ANK1: variants seen among roughly 807,000 people sequenced by gnomAD.
The protein encoded by ANK1 is ankyrin 1, also known as ankyrin-1.
ANK1 carries 51 observed loss-of-function variants against 210.4 expected under a neutral mutation model. The observed-to-expected ratio is 0.24, with a 90% CI of 0.19 to 0.31. ANK1 has a LOEUF of 0.31. Ranked by LOEUF, ANK1 falls within the 10% of genes least tolerant of loss-of-function variation. The pLI is 1.00. For missense variants in ANK1, 2,051 were observed against 2,504.4 expected, an observed-to-expected ratio of 0.82 and a Z score of 3.86; for synonymous variants, 967 against 1,025.9, an observed-to-expected ratio of 0.94 and a Z score of 1.10.
intron 1 of ANK1, chr8:41,829,003 C>G (rs1806057264): frequency 6.6e-6 from 1 of 152,306 alleles, no homozygotes; most frequent in Admixed American, 6.5e-5. Flanking sequence ...TTGATTCCAC[C>G]GCCGCAGTTG....
chr8:41,740,530 T>A (rs1834531315), intron 2 of ANK1, among the ~76,000 whole-genome samples: 1 of 151,944 alleles, frequency 6.6e-6, no homozygotes, highest in Non-Finnish European at 1.5e-5. Flanking sequence ...AGTCCCAAGG[T>A]GGCTGCTCCT....
chr8:41,872,389 C>T (rs1481561689), intron 1 of ANK1, among the ~76,000 whole-genome samples: 1 of 152,228 alleles, frequency 6.6e-6, no homozygotes, highest in East Asian at 1.9e-4. Flanking sequence ...CCCATTAAAT[C>T]CCCCAGTGCT....
intron 1 of ANK1, among the ~76,000 whole-genome samples, chr8:41,846,607 A>G (rs756057824): frequency 1.3e-5 from 2 of 152,242 alleles, no homozygotes; most frequent in Admixed American, 6.5e-5. Context: ...TGGCTTGGGC[A>G]ATAGCCAATC....
intron 1 of ANK1, among the ~76,000 whole-genome samples, chr8:41,842,949 C>CT (rs1563890019): frequency 6.6e-6 from 1 of 152,056 alleles, no homozygotes; most frequent in African/African-American, 2.4e-5. Context: ...CAGGTTCAAG[C>CT]GATTCTCCTG....
At chr8:41,809,412 C>G (rs887371242) in intron 1 of ANK1, among the ~76,000 whole-genome samples, 4 of 152,176 alleles carry the variant, frequency 2.6e-5, no homozygotes, top group Admixed American at 6.5e-5. Context: ...GTGTGTGATA[C>G]TCAAAACCAT....
intron 20 of ANK1, among the ~76,000 whole-genome samples, chr8:41,703,451 T>TATATATATATATATATA (rs1554555252): frequency 9.6e-4 from 36 of 37,374 alleles, no homozygotes; most frequent in South Asian, 2.5e-3. Context: ...TATATATATA[T>TATATATATATATATATA]TTTTTTTTTT....
intron 2 of ANK1, among the ~76,000 whole-genome samples, chr8:41,752,938 G>A (rs1217600161): frequency 6.6e-6 from 1 of 152,116 alleles, no homozygotes; most frequent in South Asian, 2.1e-4. Flanking sequence ...GAGAAAGACT[G>A]GAATCCTTCA....
chr8:41,701,947 C>T, intron 21 of ANK1, 105 bp downstream of exon 21: 1 of 1,242,414 alleles, frequency 8.0e-7, no homozygotes, highest in Non-Finnish European at 1.2e-6. Flanking sequence ...CTCCGACCCG[C>T]GTCCCGGAGC....
chr8:41,712,298 A>G (rs1366467412), intron 16 of ANK1, among the ~76,000 whole-genome samples: 1 of 152,226 alleles, frequency 6.6e-6, no homozygotes, highest in African/African-American at 2.4e-5. Flanking sequence ...ATGTATCCTC[A>G]GGAATCCCAG....
chr8:41,669,655 A>C (rs1393009716), intron 38 of ANK1, among the ~76,000 whole-genome samples: 1 of 151,762 alleles, frequency 6.6e-6, no homozygotes, highest in Non-Finnish European at 1.5e-5. Context: ...GCCCTCCTTG[A>C]CCCCTCTCTT....
At chr8:41,799,246 T>C (rs13282291), upstream of ANK1, among the ~76,000 whole-genome samples, 10 of 152,148 alleles carry the variant, frequency 6.6e-5, no homozygotes, top group African/African-American at 2.4e-4. Context: ...ACATTAGACA[T>C]GATTTCAGAC....
intron 40 of ANK1, 116 bp downstream of exon 40, chr8:41,663,543 C>G: frequency 9.5e-7 from 1 of 1,054,238 alleles, no homozygotes; most frequent in Non-Finnish European, 1.5e-6. Context: ...GGGCAGCCAG[C>G]CTGGCTGTGC....
chr8:41,699,089 G>A (rs533191345), intron 23 of ANK1, among the ~76,000 whole-genome samples: 16 of 152,234 alleles, frequency 1.1e-4, no homozygotes, highest in African/African-American at 2.4e-4. Context: ...GTGAGCCACC[G>A]CACCCGGCCA....
chr8:41,739,318 T>C lies in ANK1; in HGVS notation c.130-5249A>G, dbSNP rs1834142388. Among the ~76,000 whole-genome samples, 3 of 152,226 alleles carry C rather than the reference T, an allele frequency of 2.0e-5. No individual in the cohort carries two copies. In the South Asian group the frequency reaches 6.2e-4, roughly 32 times the overall value. On this transcript the variant is annotated intron_variant, in intron 2 of 42. Coordinates refer to ENST00000289734, the MANE Select transcript of ANK1 (RefSeq NM_000037.4). ...TTGTTTTCAGCATTTCATTGAACTT[T>C]TTCTTATAGTTTTCATCTCTCTGCT...
intron 9 of ANK1, among the ~76,000 whole-genome samples, chr8:41,720,632 G>A (rs1829010535): frequency 6.6e-6 from 1 of 152,136 alleles, no homozygotes; most frequent in African/African-American, 2.4e-5. Flanking sequence ...GACAGACATG[G>A]TGTTGTCTTT....
chr8:41,666,727 G>A (rs913654785), intron 39 of ANK1, among the ~76,000 whole-genome samples: 10 of 152,250 alleles, frequency 6.6e-5, no homozygotes, highest in African/African-American at 2.4e-4. Context: ...GATGGGCACC[G>A]GCAGCAGCCT....
Position 41,770,992 on chromosome 8 carries a change from C to T in ANK1, c.28-12855G>A, listed in dbSNP as rs372616434. 9.2e-5 allele frequency among the ~76,000 whole-genome samples: 14 copies of T among 152,338 alleles called. No homozygotes were observed. The South Asian group carries it at 2.9e-3, about 32-fold the overall frequency. On this transcript the variant is annotated intron_variant, in intron 1 of 42. Coordinates refer to ENST00000289734, the MANE Select transcript of ANK1 (RefSeq NM_000037.4). ...TGTTCCAAATTCCCAGTCCCTCTCC[C>T]TTGCTTTCCCCACCTACTCCTCTAT...
rs540848163 is a variant in ANK1 at position 41,773,037 on chromosome 8, A to T, written c.28-14900T>A. On this transcript the variant is annotated intron_variant, in intron 1 of 42. Transcript: ENST00000289734. The stretch of plus-strand genomic sequence containing the variant: ...TCCACACAAATGTCACATTGAATTC[A>T]ATCAGAAATCCAGCCTGACCCCCCC... Among the ~76,000 whole-genome samples the T allele has an allele frequency of 2.7e-4, 41 of 152,220 alleles. 1 individual carries two copies. The South Asian group carries it at 7.9e-3, about 29-fold the overall frequency.
At chr8:41,777,300 T>G (rs973369627) in intron 1 of ANK1, among the ~76,000 whole-genome samples, 1 of 152,000 alleles carries the variant, frequency 6.6e-6, no homozygotes, top group African/African-American at 2.4e-5. Context: ...TATGGCTGGG[T>G]GCAGTGGCTC....
Sources: gnomAD v4.1 joint callset for allele counts (sites outside exome capture counted in the v4.1 genomes callset) on GRCh38, gnomAD v4.1.1 for gene constraint, MANE v1.5 for transcripts, NCBI Gene and HGNC (gene_info 2026-07-23, HGNC 2026-07-21) for gene names.